Variants in AGBL4 observed in about 807,000 individuals in gnomAD.
The protein encoded by AGBL4 is cytosolic carboxypeptidase 6.
AGBL4 carries 58 observed loss-of-function variants against 66.4 expected under a neutral mutation model. The observed-to-expected ratio is 0.87, with a 90% CI of 0.71 to 1.09. The LOEUF is 1.09. AGBL4 is among the 50% of genes least tolerant of loss of function. AGBL4 has a pLI of 0.00. For missense variants in AGBL4, 579 were observed against 631.0 expected (o/e 0.92, Z 0.88); for synonymous variants, 234 against 222.9 (o/e 1.05, Z -0.44).
At chr1:49,537,926 C>CAAAAAAAAAA (rs555519458) in intron 3 of AGBL4, among the ~76,000 whole-genome samples, 1 of 88,874 alleles carries the variant, frequency 1.1e-5, no homozygotes. Context: ...GACTCCATCT[C>CAAAAAAAAAA]AAAAAAAAAA....
chr1:49,496,811 G>GA (rs1437048290), intron 3 of AGBL4, among the ~76,000 whole-genome samples: 21 of 147,034 alleles, frequency 1.4e-4, no homozygotes, highest in African/African-American at 5.3e-4. Flanking sequence ...TGAATATTGT[G>GA]AAAAATGCTG....
At chr1:48,947,192 T>C (rs1656589592) in intron 5 of AGBL4, among the ~76,000 whole-genome samples, 1 of 152,226 alleles carries the variant, frequency 6.6e-6, no homozygotes, top group African/African-American at 2.4e-5. Flanking sequence ...ATGCTCCAGG[T>C]TAGGTTAGGC....
At chr1:49,981,184 A>C (rs559269991) in intron 1 of AGBL4, among the ~76,000 whole-genome samples, 8 of 152,336 alleles carry the variant, frequency 5.3e-5, no homozygotes, top group Admixed American at 4.6e-4. Flanking sequence ...AAATTATAAC[A>C]ATCTCAAAGG....
chr1:49,261,105 AC>A (rs1251777471), intron 3 of AGBL4, among the ~76,000 whole-genome samples: 1 of 152,136 alleles, frequency 6.6e-6, no homozygotes, highest in Non-Finnish European at 1.5e-5. Flanking sequence ...ACAAAATTCA[AC>A]AACGCTTCAT....
chr1:49,356,731 T>C (rs1644027278), intron 3 of AGBL4, among the ~76,000 whole-genome samples: 1 of 152,244 alleles, frequency 6.6e-6, no homozygotes, highest in Non-Finnish European at 1.5e-5. Context: ...GTGTTAGTGC[T>C]GAAGGTTTGT....
At chr1:49,276,634 T>A (rs914532146) in intron 3 of AGBL4, among the ~76,000 whole-genome samples, 5 of 152,154 alleles carry the variant, frequency 3.3e-5, no homozygotes, top group Non-Finnish European at 7.4e-5. Flanking sequence ...TACCATCTAT[T>A]CTCTCTGAGA....
At position 49,289,755 on chromosome 1, in the gene AGBL4, G is replaced by A. The variant is rs12045581; in HGVS notation, c.283-43891C>T. 7.1e-4 allele frequency among the ~76,000 whole-genome samples: 108 copies of A among 152,200 alleles called. 2 individuals carry two copies. In the East Asian group the frequency reaches 0.017, roughly 23 times the overall value. ...ATTCATAGCCTTAAATTGCATATATGAGAATAGAAGAAAGGGTAAAATAAA... is the reference window on the plus strand; with the variant it reads ...ATTCATAGCCTTAAATTGCATATATAAGAATAGAAGAAAGGGTAAAATAAA... On this transcript the variant is annotated intron_variant, in intron 3 of 13. Transcript: ENST00000371839.
chr1:48,733,179 G>T (rs1393158936), intron 6 of AGBL4, among the ~76,000 whole-genome samples: 1 of 152,170 alleles, frequency 6.6e-6, no homozygotes, highest in Non-Finnish European at 1.5e-5. Context: ...GCCCTTTAAG[G>T]AGGGTTTCTT....
At chr1:49,339,586 G>A (rs543516402) in intron 3 of AGBL4, among the ~76,000 whole-genome samples, 10 of 152,278 alleles carry the variant, frequency 6.6e-5, no homozygotes, top group East Asian at 5.8e-4. Context: ...CATGAAACAC[G>A]TGAGACAGAA....
At chr1:48,715,557 G>A (rs1270196137) in intron 6 of AGBL4, among the ~76,000 whole-genome samples, 1 of 152,156 alleles carries the variant, frequency 6.6e-6, no homozygotes, top group Non-Finnish European at 1.5e-5. Context: ...AGCCCAGAAT[G>A]GCTTCAGGTG....
chr1:48,608,588 C>T (rs922312699), intron 9 of AGBL4, among the ~76,000 whole-genome samples: 21 of 151,248 alleles, frequency 1.4e-4, no homozygotes, highest in East Asian at 1.9e-4. Context: ...GATGGATGGA[C>T]GGATGGATAG....
intron 3 of AGBL4, among the ~76,000 whole-genome samples, chr1:49,644,255 C>CT (rs1645840400): frequency 6.6e-6 from 1 of 151,630 alleles, no homozygotes; most frequent in Non-Finnish European, 1.5e-5. Flanking sequence ...AAATGCTCTA[C>CT]TTACCAAAAG....
At chr1:49,825,757 T>C (rs548088286) in intron 2 of AGBL4, among the ~76,000 whole-genome samples, 1 of 152,220 alleles carries the variant, frequency 6.6e-6, no homozygotes, top group South Asian at 2.1e-4. Context: ...CAGAACTGGC[T>C]CTTCCCTGGA....
At chr1:50,013,556 T>C (rs1026497025) in intron 1 of AGBL4, among the ~76,000 whole-genome samples, 1 of 152,224 alleles carries the variant, frequency 6.6e-6, no homozygotes, top group African/African-American at 2.4e-5. Flanking sequence ...GTTAGTAAGC[T>C]GCAAAAAGTT....
chr1:48,647,655 G>A (rs1056288546), intron 8 of AGBL4: 1 of 435,432 alleles, frequency 2.3e-6, no homozygotes, highest in African/African-American at 2.0e-5. Context: ...GTTGTACGGA[G>A]ATGGAAAGTC....
intron 6 of AGBL4, among the ~76,000 whole-genome samples, chr1:48,866,211 G>T (rs560516434): frequency 6.6e-6 from 1 of 152,288 alleles, no homozygotes; most frequent in Non-Finnish European, 1.5e-5. Flanking sequence ...TGAGGCACTG[G>T]CCCATGGATA....
intron 4 of AGBL4, among the ~76,000 whole-genome samples, chr1:49,129,069 C>T (rs564822307): frequency 3.3e-5 from 5 of 151,744 alleles, no homozygotes; most frequent in Non-Finnish European, 5.9e-5. Flanking sequence ...TTTAACAAAA[C>T]CCACAAACAA....
At chr1:49,612,929 C>A (rs977036465) in intron 3 of AGBL4, among the ~76,000 whole-genome samples, 9 of 152,138 alleles carry the variant, frequency 5.9e-5, no homozygotes, top group Admixed American at 1.3e-4. Flanking sequence ...TACACATGCA[C>A]CTTTATGGGC....
intron 5 of AGBL4, among the ~76,000 whole-genome samples, chr1:49,034,162 T>C (rs1404550678): frequency 1.3e-5 from 2 of 152,144 alleles, no homozygotes; most frequent in East Asian, 3.9e-4. Flanking sequence ...ACCATTAAAC[T>C]AACCATCAGA....
Sources: gnomAD v4.1 joint callset for allele counts (sites outside exome capture counted in the v4.1 genomes callset) on GRCh38, gnomAD v4.1.1 for gene constraint, MANE v1.5 for transcripts, NCBI Gene and HGNC (gene_info 2026-07-23, HGNC 2026-07-21) for gene names.